The following IRAG1 variants were observed in gnomAD, a reference collection of about 807,000 sequenced individuals.
IRAG1 encodes inositol 1,4,5-triphosphate receptor associated 1, also known as IP3R-associated cGMP kinase substrate.
Under a neutral mutation model 106.2 loss-of-function variants are expected in IRAG1, and 62 were observed. That is an observed-to-expected ratio of 0.58 (90% CI 0.48 to 0.72). IRAG1 has a LOEUF of 0.72. Among genes scored for constraint, IRAG1 ranks in the 30% least tolerant of loss-of-function variants. IRAG1 has a pLI of 0.00. For synonymous variants in IRAG1, 462 were observed against 443.9 expected (o/e 1.04, Z -0.51); for missense variants, 1,064 against 1,140.7 (o/e 0.93, Z 0.97).
intron 1 of IRAG1, among the ~76,000 whole-genome samples, chr11:10,664,097 C>G (rs947196921): frequency 1.3e-5 from 2 of 152,138 alleles, no homozygotes; most frequent in African/African-American, 4.8e-5. Flanking sequence ...CATTCTAGAT[C>G]CCAGCTCTTC....
chr11:10,609,777 A>G lies in IRAG1; in HGVS notation c.1522T>C (p.Ser508Pro). Residue 508 changes from serine to proline, a missense_variant, in exon 11 of 21, where the codon TCT becomes CCT. By Grantham distance (74) the Ser-to-Pro change is moderately conservative. Transcript: ENST00000423302. Reference sequence around the variant, plus strand: ...CGCAGTTTGCGCAGCAGCACATCAGAAATATTAGGCATGACATCTAAGCCA... The same window carrying G: ...CGCAGTTTGCGCAGCAGCACATCAGGAATATTAGGCATGACATCTAAGCCA... ...KSGLDVMPNISDVLLRKLRVH... is the reference protein window; with the variant it reads ...KSGLDVMPNIPDVLLRKLRVH... 6.2e-7 allele frequency: 1 copy of G among 1,613,956 alleles called. No individual in the cohort carries two copies. The highest frequency in any genetic ancestry group is 1.1e-5 in the South Asian group (1 of 91,072).
rs1010924237 is a variant in IRAG1, at chr11:10,573,248, T to C, written c.*3084A>G. The C allele has an allele frequency of 6.6e-6, 1 of 152,230 alleles. No individual in the cohort carries two copies. The highest frequency in any genetic ancestry group is 1.5e-5 in the Non-Finnish European group (1 of 68,038). The allele number at this position is 152,230 out of a possible 1,614,324, so 9.4% of individuals were successfully genotyped here. A position where few individuals can be genotyped will look rare whatever the true frequency, so the allele number is the denominator to read the frequency against. ...TCCATTTACTCTGTCAGGCTGTATA[T>C]GGGGAGCAACACATATGGCTTTGTG... On this transcript the variant is annotated 3_prime_UTR_variant, in exon 21 of 21. Transcript: ENST00000423302.
At chr11:10,651,486 T>C (rs1858500902) in intron 2 of IRAG1, among the ~76,000 whole-genome samples, 1 of 152,270 alleles carries the variant, frequency 6.6e-6, no homozygotes, top group Non-Finnish European at 1.5e-5. Context: ...TATTTTGTAA[T>C]CTGTATAGCT....
chr11:10,626,409 C>T lies in IRAG1; in HGVS notation c.925G>A (p.Val309Ile), dbSNP rs201416441. The change falls in exon 9 of 21, where the codon GTT becomes ATT. Residue 309 changes from valine (V) to isoleucine (I), a missense_variant. By Grantham distance (29) the Val-to-Ile change is conservative (BLOSUM62 3). Coordinates refer to ENST00000423302, the MANE Select transcript of IRAG1 (RefSeq NM_130385.4). ...GCCATTTTCCCACTGCTGTTTGTAA[C>T]AGGAGCTAGGCCTTTGGGTGTGGTC... Reference protein sequence around the residue: ...PETTPKGLAPVTNSSGKMALN... With the variant: ...PETTPKGLAPITNSSGKMALN... 3.1e-4 allele frequency: 502 copies of T among 1,613,954 alleles called. No individual in the cohort carries two copies. Among genetic ancestry groups the T allele is most frequent in the Non-Finnish European group, 3.8e-4 (449 of 1,179,870 alleles).
intron 2 of IRAG1, among the ~76,000 whole-genome samples, chr11:10,634,272 G>A (rs1318814411): frequency 6.6e-6 from 1 of 152,300 alleles, no homozygotes; most frequent in East Asian, 1.9e-4. Context: ...CACACAATGC[G>A]ATGTTTTCAT....
intron 4 of IRAG1, among the ~76,000 whole-genome samples, chr11:10,630,858 C>A (rs1856640370): frequency 6.6e-6 from 1 of 152,310 alleles, no homozygotes; most frequent in African/African-American, 2.4e-5. Context: ...CATTAGCTAA[C>A]CCCCCTCCCC....
intron 5 of IRAG1, 49 bp downstream of exon 5, chr11:10,629,489 C>A (rs563550767): frequency 1.3e-6 from 2 of 1,575,174 alleles, no homozygotes; most frequent in Admixed American, 3.6e-5. Flanking sequence ...CCTTCCCTCC[C>A]GACCCTAGAG....
chr11:10,638,778 G>A (rs868054008), intron 2 of IRAG1, among the ~76,000 whole-genome samples: 1 of 152,140 alleles, frequency 6.6e-6, no homozygotes, highest in Admixed American at 6.5e-5. Context: ...ATTTAAAGGG[G>A]CAGGATGGGC....
chr11:10,611,205 T>TG (rs1322769342), intron 10 of IRAG1, among the ~76,000 whole-genome samples: 1 of 152,194 alleles, frequency 6.6e-6, no homozygotes, highest in Non-Finnish European at 1.5e-5. Context: ...CTGTCAGAGA[T>TG]GGGTCAGTCA....
At chr11:10,690,034 T>C (rs1446426595) in intron 1 of IRAG1, among the ~76,000 whole-genome samples, 1 of 152,218 alleles carries the variant, frequency 6.6e-6, no homozygotes. Context: ...AGGAAGAAAG[T>C]AACCAGAGCT....
rs75377423 is a variant in IRAG1 at position 10,693,588 on chromosome 11, G to C, written c.15C>G (p.Pro5=). The C allele has an allele frequency of 6.7e-4, 1,025 of 1,535,244 alleles. 3 individuals carry two copies. The African/African-American group carries it at 0.012, about 19-fold the overall frequency. ...CTCTGGCCAGCCTCTCTTCACTCTG[G>C]GGAGCTTTTACCATTTAAGGTCAAT... MVKA[P]QSEERLARGG... is the part of the protein sequence containing the mutation. Residue 5 remains proline (P), a synonymous_variant, in exon 1 of 21, where the codon CCC becomes CCG. Coordinates refer to ENST00000423302, the MANE Select transcript of IRAG1 (RefSeq NM_130385.4).
At chr11:10,641,909 C>T (rs1482613184) in intron 2 of IRAG1, among the ~76,000 whole-genome samples, 2 of 152,214 alleles carry the variant, frequency 1.3e-5, no homozygotes, top group African/African-American at 4.8e-5. Flanking sequence ...GTCCTTCCCA[C>T]GACACCACGC....
chr11:10,585,295 C>T (rs989317619), intron 18 of IRAG1, among the ~76,000 whole-genome samples: 5 of 152,086 alleles, frequency 3.3e-5, no homozygotes, highest in African/African-American at 9.7e-5. Context: ...CATTTCAGCT[C>T]CCCTATAGGG....
chr11:10,665,012 T>TTC lies in IRAG1; in HGVS notation c.68-12831_68-12830insGA. Among the ~76,000 whole-genome samples, 1 of 152,212 alleles carries TTC rather than the reference T, an allele frequency of 6.6e-6. No homozygotes were observed. Among genetic ancestry groups the TTC allele is most frequent in the Admixed American group, 6.5e-5 (1 of 15,286 alleles). On this transcript the variant is annotated intron_variant, in intron 1 of 20. Transcript: ENST00000423302. The surrounding 1 kb of genome is among the most constrained non-coding windows in gnomAD (Gnocchi z 4.2). Reference sequence around the variant, plus strand: ...TCTTAAGCTGGCTTGTACGAGCTTTTTTGGCACTTGCAATAAAGAGTTCCA... The same window carrying TTC: ...TCTTAAGCTGGCTTGTACGAGCTTTTTCTTGGCACTTGCAATAAAGAGTTCCA...
intron 18 of IRAG1, among the ~76,000 whole-genome samples, chr11:10,589,942 T>C (rs939359443): frequency 6.6e-6 from 1 of 152,214 alleles, no homozygotes; most frequent in African/African-American, 2.4e-5. Context: ...TGGCCTGGCA[T>C]AAGTTCTACA....
At chr11:10,635,589 G>A (rs1490112723) in intron 2 of IRAG1, among the ~76,000 whole-genome samples, 1 of 152,264 alleles carries the variant, frequency 6.6e-6, no homozygotes, top group African/African-American at 2.4e-5. Context: ...GTGTGCAGGT[G>A]TTGGTTCCCT....
At chr11:10,620,843 A>T (rs1271434201) in intron 10 of IRAG1, among the ~76,000 whole-genome samples, 3 of 152,222 alleles carry the variant, frequency 2.0e-5, no homozygotes, top group Non-Finnish European at 4.4e-5. Context: ...AGAAAAAAGA[A>T]CAACTAACGG....
chr11:10,651,816 C>T (rs1858534324), intron 2 of IRAG1, among the ~76,000 whole-genome samples: 2 of 152,192 alleles, frequency 1.3e-5, no homozygotes, highest in African/African-American at 4.8e-5. Flanking sequence ...TGGTTCTATA[C>T]CCAGAATATT....
At chr11:10,609,653 C>T (rs79814925) in intron 11 of IRAG1, 75 bp downstream of exon 11, 18,656 of 1,525,216 alleles carry the variant, frequency 0.012, 168 homozygotes, top group South Asian at 0.03. Context: ...ACTGGTGTTC[C>T]TCTGTGTCCC....
Sources: gnomAD v4.1 joint callset for allele counts (sites outside exome capture counted in the v4.1 genomes callset) on GRCh38, gnomAD v4.1.1 for gene constraint, Gnocchi (gnomAD v3.1) non-coding constraint, MANE v1.5 for transcripts, NCBI Gene and HGNC (gene_info 2026-07-23, HGNC 2026-07-21) for gene names.